The following BCAS3 variants were observed in gnomAD, a reference collection of about 807,000 sequenced individuals.
BCAS3 encodes BCAS4/BCAS3 fusion.
A neutral mutation model predicts 116.1 loss-of-function variants in BCAS3; 53 were observed. The observed-to-expected ratio is 0.46, with a 90% confidence interval of 0.37 to 0.57. The LOEUF (loss-of-function observed/expected upper bound fraction) is 0.57. BCAS3 is among the 20% of genes least tolerant of loss of function. The pLI, the probability that BCAS3 is intolerant of heterozygous loss-of-function variation, is 0.00. For synonymous variants in BCAS3, 391 were observed against 408.2 expected (o/e 0.96, Z 0.51); for missense variants, 917 against 1,165.4 (o/e 0.79, Z 3.10).
chr17:61,300,478 AT>A lies in BCAS3; in HGVS notation c.2426-67847del, dbSNP rs1435585293. Reference sequence around the variant, plus strand: ...GTTTTAATTTAGGGCATTTAAACCCATTGTGCTTAAGTACCAGATTTCATTG... The same window carrying A: ...GTTTTAATTTAGGGCATTTAAACCCATGTGCTTAAGTACCAGATTTCATTG... On this transcript the variant is annotated intron_variant, in intron 22 of 23. Transcript: ENST00000407086. This position sits in a 1 kb window ranked among gnomAD's most constrained non-coding sequence, Gnocchi z 5.1. Among the ~76,000 whole-genome samples the A allele has an allele frequency of 6.6e-6, 1 of 152,192 alleles. No homozygotes were observed. Among genetic ancestry groups the A allele is most frequent in the African/African-American group, 2.4e-5 (1 of 41,442 alleles).
At chr17:60,764,739 C>T (rs1198670452) in intron 6 of BCAS3, among the ~76,000 whole-genome samples, 1 of 152,108 alleles carries the variant, frequency 6.6e-6, no homozygotes, top group African/African-American at 2.4e-5. Flanking sequence ...GAGTTCAAGT[C>T]CTGCATATCC....
At chr17:60,853,187 G>A (rs767349939) in intron 7 of BCAS3, among the ~76,000 whole-genome samples, 2 of 152,216 alleles carry the variant, frequency 1.3e-5, no homozygotes, top group Admixed American at 6.5e-5. Flanking sequence ...AAGTCAATCT[G>A]ATAATTGTAC....
intron 15 of BCAS3, among the ~76,000 whole-genome samples, chr17:60,991,048 G>A (rs1475783662): frequency 6.6e-6 from 1 of 152,136 alleles, no homozygotes; most frequent in Non-Finnish European, 1.5e-5. Context: ...TCAATAAATG[G>A]AACATTATTG....
chr17:60,825,804 G>T (rs1232042697), intron 7 of BCAS3, among the ~76,000 whole-genome samples: 1 of 150,628 alleles, frequency 6.6e-6, no homozygotes, highest in Admixed American at 6.6e-5. Context: ...CTGCCCTCAT[G>T]ACTTAATCAC....
At chr17:60,714,266 C>T (rs147662113) in intron 5 of BCAS3, among the ~76,000 whole-genome samples, 60 of 152,282 alleles carry the variant, frequency 3.9e-4, no homozygotes, top group Non-Finnish European at 4.4e-5. Context: ...TCATGCCTGG[C>T]CATATATTTG....
chr17:61,204,238 G>C lies in BCAS3; in HGVS notation c.2425+119674G>C, dbSNP rs1467464828. ...ATTTTTAAGTCAACACTTTTCTCAA[G>C]TTTATTTGTGCTAAACCAAATTCTC... On this transcript the variant is annotated intron_variant, in intron 22 of 23. Transcript: ENST00000407086. The surrounding 1 kb of genome is among the most constrained non-coding windows in gnomAD (Gnocchi z 4.2). Among the ~76,000 whole-genome samples, 1 of 152,094 alleles carries C rather than the reference G, an allele frequency of 6.6e-6. No homozygotes were observed. The highest frequency in any genetic ancestry group is 1.5e-5 in the Non-Finnish European group (1 of 68,012).
rs967310982 is a variant in BCAS3 at position 60,688,374 on chromosome 17, A to G, written c.139-1312A>G. Reference sequence around the variant, plus strand: ...GAGTACAGTGGCACTATCATGGCTCACTGCGGCCTCAATTTCCCAGATTCA... The same window carrying G: ...GAGTACAGTGGCACTATCATGGCTCGCTGCGGCCTCAATTTCCCAGATTCA... On this transcript the variant is annotated intron_variant, in intron 3 of 23. Coordinates refer to ENST00000407086, the MANE Select transcript of BCAS3 (RefSeq NM_017679.5). Among the ~76,000 whole-genome samples the G allele has an allele frequency of 2.6e-5, 4 of 152,012 alleles. No homozygotes were observed. In the East Asian group the frequency reaches 7.7e-4, roughly 29 times the overall value.
chr17:60,960,180 A>G lies in BCAS3; in HGVS notation c.1221+12828A>G, dbSNP rs528128145. Among the ~76,000 whole-genome samples the G allele has an allele frequency of 5.3e-5, 8 of 152,286 alleles. No homozygotes were observed. The highest frequency in any genetic ancestry group is 1.3e-4 in the Admixed American group (2 of 15,288). On this transcript the variant is annotated intron_variant, in intron 14 of 23. Coordinates refer to ENST00000407086, the MANE Select transcript of BCAS3 (RefSeq NM_017679.5). The surrounding 1 kb of genome is among the most constrained non-coding windows in gnomAD (Gnocchi z 4.1). ...CTCCCAGAATTCATGTTCATGCCAT[A>G]TGCTAAGTATTACCTCTTTTCCCTA...
At position 61,098,635 on chromosome 17, in the gene BCAS3, G is replaced by A. The variant is rs976160874; in HGVS notation, c.2425+14071G>A. ...GCTGCAAAAAGGAATTCGGTTAGCA[G>A]ATTTTATGGCATCCATGATCCATGG... On this transcript the variant is annotated intron_variant, in intron 22 of 23. Coordinates refer to ENST00000407086, the MANE Select transcript of BCAS3 (RefSeq NM_017679.5). This position sits in a 1 kb window ranked among gnomAD's most constrained non-coding sequence, Gnocchi z 4.2. 6.6e-6 allele frequency among the ~76,000 whole-genome samples: 1 copy of A among 152,146 alleles called. No homozygotes were observed. Among genetic ancestry groups the A allele is most frequent in the Admixed American group, 6.6e-5 (1 of 15,266 alleles).
intron 22 of BCAS3, among the ~76,000 whole-genome samples, chr17:61,117,220 C>G (rs548176081): frequency 1.3e-5 from 2 of 152,278 alleles, no homozygotes; most frequent in East Asian, 3.9e-4. Context: ...TTTACTAATT[C>G]TTTCTGTGCC....
chr17:61,168,305 G>A lies in BCAS3; in HGVS notation c.2425+83741G>A, dbSNP rs145752323. Reference sequence around the variant, plus strand: ...AACTCTGTATTTATATCTATCATGCGGACCTCTCTCGTTCCTTGAGCCTTT... The same window carrying A: ...AACTCTGTATTTATATCTATCATGCAGACCTCTCTCGTTCCTTGAGCCTTT... On this transcript the variant is annotated intron_variant, in intron 22 of 23. Transcript: ENST00000407086. Among the ~76,000 whole-genome samples, 167 of 151,842 alleles carry A rather than the reference G, an allele frequency of 1.1e-3. 1 individual carries two copies. The highest frequency in any genetic ancestry group is 3.5e-3 in the African/African-American group (144 of 41,356).
In BCAS3 at chr17:61,361,339, T is replaced by C. The variant is rs1192479058; in HGVS notation, c.2426-6988T>C. 6.6e-6 allele frequency among the ~76,000 whole-genome samples: 1 copy of C among 152,198 alleles called. No individual in the cohort carries two copies. The highest frequency in any genetic ancestry group is 2.4e-5 in the African/African-American group (1 of 41,468). On this transcript the variant is annotated intron_variant, in intron 22 of 23. Transcript: ENST00000407086. The surrounding 1 kb of genome is among the most constrained non-coding windows in gnomAD (Gnocchi z 6.5). ...CATTATGCAATTGCATATTTTGCAGTTGTGAAAATGGTCTCCTTGTCAAAA... is the reference window on the plus strand; with the variant it reads ...CATTATGCAATTGCATATTTTGCAGCTGTGAAAATGGTCTCCTTGTCAAAA...
At chr17:61,024,633 G>C (rs2066102926) in intron 16 of BCAS3, among the ~76,000 whole-genome samples, 1 of 146,690 alleles carries the variant, frequency 6.8e-6, no homozygotes, top group African/African-American at 2.8e-5. Flanking sequence ...TGCCTGGAAA[G>C]GAAAATCTCG....
intron 22 of BCAS3, among the ~76,000 whole-genome samples, chr17:61,192,171 A>C (rs2080175172): frequency 6.9e-6 from 1 of 145,142 alleles, no homozygotes; most frequent in Non-Finnish European, 1.5e-5. Context: ...ACTTGAACCC[A>C]GGAGGCAGAA....
At chr17:60,955,273 G>T (rs2061058979) in intron 14 of BCAS3, among the ~76,000 whole-genome samples, 1 of 151,436 alleles carries the variant, frequency 6.6e-6, no homozygotes. Context: ...ATTCTTCTGT[G>T]TAACCATAAA....
intron 22 of BCAS3, among the ~76,000 whole-genome samples, chr17:61,185,590 A>T (rs896894072): frequency 6.6e-6 from 1 of 152,190 alleles, no homozygotes; most frequent in Admixed American, 6.5e-5. Flanking sequence ...TGGTTCATTC[A>T]TCGGTCAAAC....
At chr17:60,803,752 T>G (rs1449274227) in intron 6 of BCAS3, among the ~76,000 whole-genome samples, 1 of 151,182 alleles carries the variant, frequency 6.6e-6, no homozygotes, top group Non-Finnish European at 1.5e-5. Flanking sequence ...GTTTCTTCTA[T>G]CCTTCATTTT....
At chr17:60,886,763 C>G (rs2056680368) in intron 9 of BCAS3, among the ~76,000 whole-genome samples, 1 of 152,126 alleles carries the variant, frequency 6.6e-6, no homozygotes, top group South Asian at 2.1e-4. Flanking sequence ...GCTCGGGGGT[C>G]AGGAGTCAGG....
intron 22 of BCAS3, among the ~76,000 whole-genome samples, chr17:61,338,374 T>C (rs1007993850): frequency 1.3e-5 from 2 of 152,194 alleles, no homozygotes; most frequent in African/African-American, 4.8e-5. Context: ...AATGGTGTTC[T>C]GAACTGTGTA....
Sources: gnomAD v4.1 joint callset for allele counts (sites outside exome capture counted in the v4.1 genomes callset) on GRCh38, gnomAD v4.1.1 for gene constraint, Gnocchi (gnomAD v3.1) non-coding constraint, MANE v1.5 for transcripts, NCBI Gene and HGNC (gene_info 2026-07-23, HGNC 2026-07-21) for gene names.